Variants in MGAT4A observed in about 807,000 individuals in gnomAD.
MGAT4A encodes the protein N-acetylglucosaminyltransferase IVa.
MGAT4A carries 33 observed loss-of-function variants against 74.1 expected under a neutral mutation model. That is an observed-to-expected ratio of 0.45 (90% CI 0.34 to 0.60). The LOEUF (loss-of-function observed/expected upper bound fraction) is 0.60. Ranked by LOEUF, MGAT4A falls within the 20% of genes least tolerant of loss-of-function variation. MGAT4A has a pLI of 0.02. For missense variants in MGAT4A, 479 were observed against 628.3 expected, an observed-to-expected ratio of 0.76 and a Z score of 2.54; for synonymous variants, 198 against 210.4, an observed-to-expected ratio of 0.94 and a Z score of 0.51.
intron 14 of MGAT4A, 111 bp from the exon 15 acceptor site, chr2:98,625,946 T>C: frequency 6.4e-6 from 4 of 627,662 alleles, no homozygotes; most frequent in Non-Finnish European, 1.1e-5. Context: ...TAGATGTCTT[T>C]TGACAGGGCA....
Position 98,663,444 on chromosome 2 carries a change from A to T in MGAT4A, c.404-265T>A, listed in dbSNP as rs541567210. On this transcript the variant is annotated intron_variant, in intron 4 of 15. Coordinates refer to ENST00000393487, the MANE Select transcript of MGAT4A (RefSeq NM_012214.3). ...CACACTAAAAAATGAATGGCTGCGAAGTATAAACAGCAAACTGTATTTTAC... is the reference window on the plus strand; with the variant it reads ...CACACTAAAAAATGAATGGCTGCGATGTATAAACAGCAAACTGTATTTTAC... The T allele has an allele frequency of 2.7e-6, 4 of 1,479,804 alleles. No homozygotes were observed. The South Asian group carries it at 5.6e-5, about 21-fold the overall frequency. The allele number at this position is 1,479,804 out of a possible 1,614,324, so 91.7% of individuals were successfully genotyped here. A position where few individuals can be genotyped will look rare whatever the true frequency, so the allele number is the denominator to read the frequency against.
intron 2 of MGAT4A, among the ~76,000 whole-genome samples, chr2:98,696,091 C>T (rs968090623): frequency 6.6e-6 from 1 of 151,998 alleles, no homozygotes; most frequent in Non-Finnish European, 1.5e-5. Flanking sequence ...CTTTGTTGCC[C>T]AAGCTGGTCT....
chr2:98,628,596 T>C (rs1246202549), intron 14 of MGAT4A, among the ~76,000 whole-genome samples: 2 of 152,210 alleles, frequency 1.3e-5, no homozygotes, highest in Non-Finnish European at 2.9e-5. Flanking sequence ...GACCACTGCT[T>C]TCCTGTGAGT....
At chr2:98,666,301 G>C (rs1283302861) in intron 4 of MGAT4A, among the ~76,000 whole-genome samples, 1 of 152,094 alleles carries the variant, frequency 6.6e-6, no homozygotes, top group Non-Finnish European at 1.5e-5. Context: ...CTTGAGGAGA[G>C]GGCCTCCAAT....
chr2:98,707,152 T>A (rs1388967472), intron 2 of MGAT4A, among the ~76,000 whole-genome samples: 1 of 152,042 alleles, frequency 6.6e-6, no homozygotes. Context: ...GAGGCAGAGG[T>A]ACAGTGAGCT....
intron 2 of MGAT4A, among the ~76,000 whole-genome samples, chr2:98,697,980 T>C (rs1702300756): frequency 6.6e-6 from 1 of 152,240 alleles, no homozygotes; most frequent in Non-Finnish European, 1.5e-5. Context: ...ACTTGATCAT[T>C]CTAATTGCTG....
chr2:98,667,407 G>A (rs1701851042), intron 4 of MGAT4A, among the ~76,000 whole-genome samples: 1 of 152,152 alleles, frequency 6.6e-6, no homozygotes, highest in South Asian at 2.1e-4. Context: ...GGAAACTTTG[G>A]AGTTCCCTAG....
chr2:98,681,318 T>C (rs1702056921), intron 2 of MGAT4A, among the ~76,000 whole-genome samples: 1 of 152,172 alleles, frequency 6.6e-6, no homozygotes, highest in African/African-American at 2.4e-5. Flanking sequence ...TTTTTTGAAC[T>C]TGATGTATAA....
intron 2 of MGAT4A, among the ~76,000 whole-genome samples, chr2:98,708,014 T>C (rs1702463521): frequency 6.6e-6 from 1 of 152,242 alleles, no homozygotes; most frequent in Non-Finnish European, 1.5e-5. Flanking sequence ...TGGCTATTTA[T>C]AAATTTGTTG....
At chr2:98,690,158 A>T (rs1224530243) in intron 2 of MGAT4A, among the ~76,000 whole-genome samples, 1 of 152,170 alleles carries the variant, frequency 6.6e-6, no homozygotes, top group African/African-American at 2.4e-5. Context: ...TCTATCAGCA[A>T]TGGCCAGGCA....
At chr2:98,723,340 C>T (rs1165218242) in intron 2 of MGAT4A, among the ~76,000 whole-genome samples, 9 of 152,098 alleles carry the variant, frequency 5.9e-5, no homozygotes, top group East Asian at 1.9e-4. Context: ...GAGAGCCGGC[C>T]GGAAGACACG....
In MGAT4A at chr2:98,645,514, T is replaced by C. The variant is rs758329122; in HGVS notation, c.803A>G (p.Asn268Ser). 1 of 1,588,506 alleles carries C rather than the reference T, an allele frequency of 6.3e-7. No individual in the cohort carries two copies. The highest frequency in any genetic ancestry group is 1.2e-5 in the South Asian group (1 of 85,366). The change falls in exon 9 of 16, where the codon AAT (asparagine) becomes AGT (serine). Residue 268 changes from asparagine to serine, a missense_variant. Physicochemically the swap from Asn to Ser is conservative, Grantham distance 46 (BLOSUM62 1). Coordinates refer to ENST00000393487, the MANE Select transcript of MGAT4A (RefSeq NM_012214.3). The stretch of plus-strand genomic sequence containing the variant: ...AAAATTTTTTATGGTATTAAAATAA[T>C]TTTGTTTGACAATAATATCATCTTC... ...QLEDDIIVKQ[N>S]YFNTIKNFAL...
At chr2:98,651,124 A>G (rs887056787) in intron 8 of MGAT4A, among the ~76,000 whole-genome samples, 2 of 152,156 alleles carry the variant, frequency 1.3e-5, no homozygotes, top group African/African-American at 4.8e-5. Context: ...ACAAAAGCTG[A>G]GTGAGTTCAT....
At chr2:98,663,454 G>T (rs1421723956) in intron 4 of MGAT4A, 2 of 1,465,702 alleles carry the variant, frequency 1.4e-6, no homozygotes, top group Non-Finnish European at 1.8e-6. Context: ...AGTATAAACA[G>T]CAAACTGTAT....
chr2:98,621,850 C>T lies in MGAT4A; in HGVS notation c.*3716G>A, dbSNP rs1379062198. On this transcript the variant is annotated 3_prime_UTR_variant, in exon 16 of 16. Transcript: ENST00000393487. ...GCTTATAGTTTTAAAAATAACAACA[C>T]CTTCTAATTATTGACTAGTGCAACC... The T allele has an allele frequency of 2.0e-5, 20 of 1,021,600 alleles. No individual in the cohort carries two copies. Among genetic ancestry groups the T allele is most frequent in the Non-Finnish European group, 2.3e-5 (20 of 853,276 alleles). 63.3% of individuals were successfully genotyped at this position (1,021,600 alleles called of 1,614,324 possible). A position where few individuals can be genotyped will look rare whatever the true frequency, so the allele number is the denominator to read the frequency against.
intron 2 of MGAT4A, among the ~76,000 whole-genome samples, chr2:98,695,807 CTG>C (rs756435384): frequency 3.3e-5 from 5 of 151,230 alleles, no homozygotes; most frequent in Non-Finnish European, 4.4e-5. Context: ...CTGCAAGTGA[CTG>C]TGTTTTGTAT....
chr2:98,707,559 T>C (rs1253893368), intron 2 of MGAT4A, among the ~76,000 whole-genome samples: 1 of 152,174 alleles, frequency 6.6e-6, no homozygotes, highest in African/African-American at 2.4e-5. Flanking sequence ...CTTCTCCCGA[T>C]GTTACAGCTC....
chr2:98,664,200 C>CAAAAAAAAA (rs57981145), intron 4 of MGAT4A, among the ~76,000 whole-genome samples: 18 of 51,488 alleles, frequency 3.5e-4, no homozygotes, highest in Non-Finnish European at 4.7e-4. Context: ...GATTCCATCT[C>CAAAAAAAAA]AAAAAAAAAA....
chr2:98,663,262 C>G, intron 4 of MGAT4A, 83 bp from the exon 5 acceptor site: 1 of 1,527,856 alleles, frequency 6.5e-7, no homozygotes, highest in Non-Finnish European at 8.9e-7. Context: ...GTATTATACC[C>G]TCTCAAATTG....
Sources: allele counts gnomAD v4.1 joint callset (sites outside exome capture counted in the v4.1 genomes callset), GRCh38; gene constraint gnomAD v4.1.1; transcripts MANE v1.5; gene names NCBI Gene and HGNC (gene_info 2026-07-23, HGNC 2026-07-21).